CYYR1: variants seen among roughly 807,000 people sequenced by gnomAD.
CYYR1 encodes cysteine and tyrosine-rich protein 1.
In CYYR1, 14 loss-of-function variants were observed where a neutral mutation model predicts 15.2. The observed-to-expected ratio is 0.92, with a 90% CI of 0.61 to 1.44. The LOEUF (loss-of-function observed/expected upper bound fraction) is 1.44, where lower values mean the gene tolerates loss of function less well. CYYR1 is among the 40% of genes most tolerant of loss of function. The pLI, the probability that CYYR1 is intolerant of heterozygous loss-of-function variation, is 0.00. For missense variants in CYYR1, 228 were observed against 209.5 expected, an observed-to-expected ratio of 1.09 and a Z score of -0.54; for synonymous variants, 80 against 77.4, an observed-to-expected ratio of 1.03 and a Z score of -0.18.
chr21:26,500,157 T>G (rs2065460798), intron 2 of CYYR1, among the ~76,000 whole-genome samples: 1 of 152,116 alleles, frequency 6.6e-6, no homozygotes, highest in Non-Finnish European at 1.5e-5. Flanking sequence ...ATAAGGATCC[T>G]AATCCCATCA....
chr21:26,486,096 C>T lies in CYYR1; in HGVS notation c.177-5667G>A, dbSNP rs114670934. On this transcript the variant is annotated intron_variant, in intron 2 of 3. Coordinates refer to ENST00000652641, the MANE Select transcript of CYYR1 (RefSeq NM_001320768.2). ...CATTCATCTTCTTCAGTGAAATGTC[C>T]ACCTGAGTCTTTTGCCCATATTCTA... Among the ~76,000 whole-genome samples the T allele has an allele frequency of 5.0e-3, 762 of 152,116 alleles. 7 individuals are homozygous for T. Among genetic ancestry groups the T allele is most frequent in the African/African-American group, 0.016 (684 of 41,538 alleles).
At chr21:26,489,355 TG>T (rs2065295369) in intron 2 of CYYR1, among the ~76,000 whole-genome samples, 1 of 152,182 alleles carries the variant, frequency 6.6e-6, no homozygotes, top group East Asian at 1.9e-4. Context: ...CTTTGATTGA[TG>T]AACAAAAAGT....
chr21:26,544,274 C>T (rs373552337), intron 2 of CYYR1, among the ~76,000 whole-genome samples: 32 of 152,242 alleles, frequency 2.1e-4, no homozygotes, highest in East Asian at 1.5e-3. Context: ...CACTTTTAGT[C>T]GTCAAAATCC....
chr21:26,490,671 A>T (rs1389689457), intron 2 of CYYR1, among the ~76,000 whole-genome samples: 3 of 152,200 alleles, frequency 2.0e-5, no homozygotes, highest in Non-Finnish European at 2.9e-5. Context: ...TGAAGGTAAG[A>T]AAACCAAATA....
intron 2 of CYYR1, among the ~76,000 whole-genome samples, chr21:26,486,931 G>A (rs1170650404): frequency 2.6e-5 from 4 of 151,716 alleles, no homozygotes; most frequent in African/African-American, 4.8e-5. Flanking sequence ...TCTTCTTCTC[G>A]GATACGACCC....
chr21:26,498,950 A>T (rs2065444121), intron 2 of CYYR1, among the ~76,000 whole-genome samples: 1 of 152,172 alleles, frequency 6.6e-6, no homozygotes, highest in African/African-American at 2.4e-5. Flanking sequence ...ACACATGGGG[A>T]TTATGGGAAC....
Position 26,467,779 on chromosome 21 carries a change from A to T in CYYR1, c.*722T>A, listed in dbSNP as rs887906433. 19 of 152,226 alleles carry T rather than the reference A, an allele frequency of 1.2e-4. No individual in the cohort carries two copies. The highest frequency in any genetic ancestry group is 1.2e-3 in the Admixed American group (19 of 15,276). The allele number at this position is 152,226 out of a possible 1,614,324, so 9.4% of individuals were successfully genotyped here. A position where few individuals can be genotyped will look rare whatever the true frequency, so the allele number is the denominator to read the frequency against. ...TTAACTCCCTAATTAAATAAATAAG[A>T]TCCAACTCTTTCTGTTGTATTCACT... On this transcript the variant is annotated 3_prime_UTR_variant, in exon 4 of 4. Coordinates refer to ENST00000652641, the MANE Select transcript of CYYR1 (RefSeq NM_001320768.2).
At chr21:26,522,072 G>A (rs533072324) in intron 2 of CYYR1, among the ~76,000 whole-genome samples, 2 of 152,246 alleles carry the variant, frequency 1.3e-5, no homozygotes, top group Non-Finnish European at 2.9e-5. Flanking sequence ...TCAAAACTAC[G>A]TGCCTTCTTG....
chr21:26,519,437 A>T (rs2123553839), intron 2 of CYYR1, among the ~76,000 whole-genome samples: 1 of 152,204 alleles, frequency 6.6e-6, no homozygotes, highest in African/African-American at 2.4e-5. Context: ...TAGGAGAGGG[A>T]CCTGAAGGGA....
chr21:26,468,952 A>AC (rs397732202), intron 3 of CYYR1, among the ~76,000 whole-genome samples: 13 of 151,322 alleles, frequency 8.6e-5, no homozygotes, highest in Non-Finnish European at 2.9e-5. Flanking sequence ...CTCAAGCAAA[A>AC]GTACATGAAA....
rs1403025540 is a variant in CYYR1 at position 26,572,980 on chromosome 21, C to T, written c.-40G>A. 3.7e-6 allele frequency: 6 copies of T among 1,613,074 alleles called. No individual in the cohort carries two copies. Among genetic ancestry groups the T allele is most frequent in the South Asian group, 3.3e-5 (3 of 90,908 alleles). On this transcript the variant is annotated 5_prime_UTR_variant, in exon 1 of 4. Transcript: ENST00000652641. ...TGAGGCTTGGAGCGAAGGGAGAGCCCGGAACCGGAGGGAATGGGGAGGATG... is the reference window on the plus strand; with the variant it reads ...TGAGGCTTGGAGCGAAGGGAGAGCCTGGAACCGGAGGGAATGGGGAGGATG...
intron 2 of CYYR1, among the ~76,000 whole-genome samples, chr21:26,559,534 T>A (rs1200413681): frequency 2.6e-5 from 4 of 152,188 alleles, no homozygotes; most frequent in Non-Finnish European, 4.4e-5. Context: ...TAGACATTTT[T>A]TCTATCCTGA....
chr21:26,554,518 C>T (rs561326589), intron 2 of CYYR1, among the ~76,000 whole-genome samples: 7 of 152,154 alleles, frequency 4.6e-5, no homozygotes, highest in South Asian at 4.2e-4. Context: ...AGCAGGACAC[C>T]GTACTTAATT....
chr21:26,493,804 G>T (rs765675578), intron 2 of CYYR1, among the ~76,000 whole-genome samples: 1 of 152,092 alleles, frequency 6.6e-6, no homozygotes, highest in Admixed American at 6.6e-5. Context: ...GTTGCTTACT[G>T]GTCTGACTTT....
chr21:26,573,009 G>A lies in CYYR1; in HGVS notation c.-69C>T, dbSNP rs1180882425. ...ACCGGAGGGAATGGGGAGGATGGAG[G>A]GCGATCAGATGGAGAGAGCAGCGCT... On this transcript the variant is annotated 5_prime_UTR_variant, in exon 1 of 4. Transcript: ENST00000652641. 3 of 1,611,398 alleles carry A rather than the reference G, an allele frequency of 1.9e-6. No homozygotes were observed. The highest frequency in any genetic ancestry group is 2.5e-6 in the Non-Finnish European group (3 of 1,178,836).
intron 2 of CYYR1, among the ~76,000 whole-genome samples, chr21:26,494,052 C>G (rs1161377460): frequency 6.6e-6 from 1 of 152,174 alleles, no homozygotes; most frequent in Non-Finnish European, 1.5e-5. Flanking sequence ...GCAGTCTGAT[C>G]TTTCCATCCA....
In CYYR1 at chr21:26,467,668, A is replaced by C. The variant is rs893466231; in HGVS notation, c.*833T>G. 12 of 152,084 alleles carry C rather than the reference A, an allele frequency of 7.9e-5. No individual in the cohort carries two copies. Among genetic ancestry groups the C allele is most frequent in the African/African-American group, 2.9e-4 (12 of 41,400 alleles). The allele number at this position is 152,084 out of a possible 1,614,324, so 9.4% of individuals were successfully genotyped here. ...AGAATAACCTTTATTCTGATCCACTATAAAGCCAGATGATTTTTAGGTGGC... is the reference window on the plus strand; with the variant it reads ...AGAATAACCTTTATTCTGATCCACTCTAAAGCCAGATGATTTTTAGGTGGC... On this transcript the variant is annotated 3_prime_UTR_variant, in exon 4 of 4. Transcript: ENST00000652641.
chr21:26,486,971 A>ATC (rs1446879951), intron 2 of CYYR1, among the ~76,000 whole-genome samples: 4 of 152,062 alleles, frequency 2.6e-5, no homozygotes, highest in Non-Finnish European at 5.9e-5. Flanking sequence ...TAAAACTATA[A>ATC]ATCAAAGGGC....
At chr21:26,473,661 C>G (rs2830243) in intron 3 of CYYR1, among the ~76,000 whole-genome samples, 1 of 152,066 alleles carries the variant, frequency 6.6e-6, no homozygotes, top group South Asian at 2.1e-4. Flanking sequence ...GAAAGTTCTC[C>G]TCTGACCCTG....
Sources: gnomAD v4.1 joint callset for allele counts (sites outside exome capture counted in the v4.1 genomes callset) on GRCh38, gnomAD v4.1.1 for gene constraint, MANE v1.5 for transcripts, NCBI Gene and HGNC (gene_info 2026-07-23, HGNC 2026-07-21) for gene names.